BRWD1: variants seen among roughly 807,000 people sequenced by gnomAD.
BRWD1 encodes bromodomain and WD repeat domain containing 1.
In BRWD1, 82 loss-of-function variants were observed where a neutral mutation model predicts 251.2. The ratio of observed to expected loss-of-function variants is 0.33; its 90% CI spans 0.27 to 0.39. The LOEUF (loss-of-function observed/expected upper bound fraction) is 0.39. Among genes scored for constraint, BRWD1 ranks in the 10% least tolerant of loss-of-function variants. BRWD1 has a pLI of 1.00. For missense variants in BRWD1, 2,233 were observed against 2,711.6 expected (o/e 0.82, Z 3.92); for synonymous variants, 918 against 902.8 (o/e 1.02, Z -0.30).
rs1376557749 is a variant in BRWD1 at position 39,278,814 on chromosome 21, C to T, written c.933-1G>A. On this transcript the variant is annotated splice_acceptor_variant, in intron 9 of 40. Coordinates refer to ENST00000342449, the MANE Select transcript of BRWD1 (RefSeq NM_033656.4). LOFTEE classifies it high-confidence loss of function. ...TTCAGTGAACTTCAGGGGACGTGGG[C>T]TTTAAAAGAAGAAGATGCTGCTTTA... 1.3e-6 allele frequency: 2 copies of T among 1,578,428 alleles called. No individual in the cohort carries two copies. The highest frequency in any genetic ancestry group is 1.7e-6 in the Non-Finnish European group (2 of 1,166,028).
chr21:39,235,918 G>T (rs1030251770), intron 23 of BRWD1: 1 of 186,120 alleles, frequency 5.4e-6, no homozygotes, highest in South Asian at 1.3e-4. Flanking sequence ...AGTTGTCTCC[G>T]GTCCTGCCAG....
intron 19 of BRWD1, among the ~76,000 whole-genome samples, chr21:39,252,583 A>T (rs540663149): frequency 4.8e-4 from 73 of 152,348 alleles, no homozygotes; most frequent in African/African-American, 1.7e-3. Flanking sequence ...CATCTCAATC[A>T]ATTATCGCCT....
intron 12 of BRWD1, among the ~76,000 whole-genome samples, chr21:39,275,289 T>C (rs2035244676): frequency 6.6e-6 from 1 of 152,168 alleles, no homozygotes; most frequent in African/African-American, 2.4e-5. Context: ...TAAGTAATAA[T>C]TTCTTTGCAG....
intron 38 of BRWD1, 185 bp from the exon 39 acceptor site, chr21:39,200,571 G>T: frequency 4.4e-6 from 2 of 456,128 alleles, no homozygotes; most frequent in Admixed American, 4.1e-5. Flanking sequence ...AGTATTAAAA[G>T]GTACATAATC....
At chr21:39,234,476 T>C (rs773325332) in intron 23 of BRWD1, among the ~76,000 whole-genome samples, 5 of 152,208 alleles carry the variant, frequency 3.3e-5, no homozygotes, top group Non-Finnish European at 4.4e-5. Flanking sequence ...TTGATAAAGA[T>C]AACCTATATT....
At chr21:39,247,266 C>CT (rs1417213792) in intron 21 of BRWD1, among the ~76,000 whole-genome samples, 2 of 152,174 alleles carry the variant, frequency 1.3e-5, no homozygotes, top group Non-Finnish European at 2.9e-5. Context: ...TGGCCCAACT[C>CT]TGTCAATATA....
At chr21:39,314,353 G>C (rs541550737), upstream of BRWD1, 362 of 455,868 alleles carry the variant, frequency 7.9e-4, no homozygotes, top group Middle Eastern at 3.6e-3. Flanking sequence ...CTTCGCCGAG[G>C]GGGTGCGAGT....
At position 39,197,336 on chromosome 21, in the gene BRWD1, T is replaced by G; in HGVS notation, c.5733A>C (p.Leu1911Phe). The G allele has an allele frequency of 6.2e-7, 1 of 1,614,010 alleles. No individual in the cohort carries two copies. The highest frequency in any genetic ancestry group is 8.5e-7 in the Non-Finnish European group (1 of 1,179,900). ...RVCSSDSDSS[L>F]QVVKKSSKAR... ...CTTTTGATGATTTCTTAACCACCTG[T>G]AAACTACTGTCTGAGTCACTGGAAC... The change falls in exon 41 of 41, where the codon TTA (leucine) becomes TTC (phenylalanine). Residue 1911 changes from leucine (L) to phenylalanine (F), a missense_variant. Physicochemically the swap from Leu to Phe is conservative, Grantham distance 22. This residue lies in a region of BRWD1 where 928 missense variants were observed against 970.0 expected (regional missense o/e 0.96). Coordinates refer to ENST00000342449, the MANE Select transcript of BRWD1 (RefSeq NM_033656.4).
chr21:39,307,121 T>C (rs1213851653), intron 4 of BRWD1, among the ~76,000 whole-genome samples: 5 of 152,254 alleles, frequency 3.3e-5, no homozygotes, highest in Admixed American at 2.6e-4. Flanking sequence ...CCTAAAGTGC[T>C]GGGATGACAG....
upstream of BRWD1, chr21:39,313,744 C>G (rs1182016373): frequency 2.6e-6 from 1 of 391,966 alleles, no homozygotes. Context: ...CGTGTCCCGC[C>G]CGGGGAGGCG....
rs549641075 is a variant in BRWD1, at chr21:39,277,573, G to GT, written c.1004-223dup. Among the ~76,000 whole-genome samples, 549 of 151,636 alleles carry GT rather than the reference G, an allele frequency of 3.6e-3. 5 individuals are homozygous for GT. Among genetic ancestry groups the GT allele is most frequent in the Non-Finnish European group, 5.3e-3 (358 of 67,784 alleles). The stretch of plus-strand genomic sequence containing the variant: ...CTGGAAACATTCACAATCTCCTCCT[G>GT]TTTTTTTTGAGACAGAATCTCACTC... On this transcript the variant is annotated intron_variant, in intron 10 of 40. Transcript: ENST00000342449.
intron 4 of BRWD1, among the ~76,000 whole-genome samples, chr21:39,311,377 A>G (rs1287239340): frequency 6.6e-6 from 1 of 151,834 alleles, no homozygotes; most frequent in Non-Finnish European, 1.5e-5. Context: ...GTTGGTCTGA[A>G]CTCCTGGCCT....
chr21:39,258,581 T>C lies in BRWD1; in HGVS notation c.1977A>G (p.Ile659Met), dbSNP rs1024404074. 6.2e-7 allele frequency: 1 copy of C among 1,613,546 alleles called. No homozygotes were observed. The highest frequency in any genetic ancestry group is 1.3e-5 in the African/African-American group (1 of 74,906). ...GATCTTGCTGCTGCTGCAACTGTCT[T>C]ATCATTCCATCAAGAATACTCGATT... Reference protein sequence around the residue: ...SPESSILDGMIRQLQQQQDQR... With the variant: ...SPESSILDGMMRQLQQQQDQR... Residue 659 changes from isoleucine (I) to methionine (M), a missense_variant, in exon 18 of 41, where the codon ATA (isoleucine) becomes ATG (methionine). This residue lies in a region of BRWD1 where 73 missense variants were observed against 68.1 expected (regional missense o/e 1.07). Transcript: ENST00000342449.
At chr21:39,316,372 C>T (rs2036698501), upstream of BRWD1, among the ~76,000 whole-genome samples, 1 of 152,156 alleles carries the variant, frequency 6.6e-6, no homozygotes, top group Non-Finnish European at 1.5e-5. Flanking sequence ...CTTGCAACAA[C>T]TTGATTATTT....
chr21:39,312,797 G>T (rs772278161), intron 4 of BRWD1, 44 bp downstream of exon 4: 4 of 1,524,666 alleles, frequency 2.6e-6, no homozygotes, highest in African/African-American at 1.4e-5. Flanking sequence ...GGGGCGGGGG[G>T]CGGTGCACGG....
rs537839560 is a variant in BRWD1, at chr21:39,281,719, G to A, written c.832-1471C>T. On this transcript the variant is annotated intron_variant, in intron 8 of 40. Coordinates refer to ENST00000342449, the MANE Select transcript of BRWD1 (RefSeq NM_033656.4). ...ATGTTGGATGCCTGTAACATAAAAA[G>A]TAGGCAGGAGTGGTGGCGGATGCCC... Among the ~76,000 whole-genome samples the A allele has an allele frequency of 1.4e-4, 21 of 152,062 alleles. No individual in the cohort carries two copies. The South Asian group carries it at 4.4e-3, about 32-fold the overall frequency.
chr21:39,269,834 C>T (rs748631098), intron 15 of BRWD1, 65 bp downstream of exon 15: 25 of 1,315,598 alleles, frequency 1.9e-5, no homozygotes, highest in Non-Finnish European at 2.3e-5. Context: ...CTGGCTAAGC[C>T]GCATAACCCA....
At chr21:39,266,754 T>C (rs564878056) in intron 15 of BRWD1, among the ~76,000 whole-genome samples, 4 of 152,266 alleles carry the variant, frequency 2.6e-5, no homozygotes, top group African/African-American at 9.6e-5. Context: ...TCATGAAATA[T>C]TGTTGCTATT....
At chr21:39,249,956 GTA>G (rs1555861738) in intron 20 of BRWD1, among the ~76,000 whole-genome samples, 21 of 143,602 alleles carry the variant, frequency 1.5e-4, no homozygotes, top group Admixed American at 2.8e-4. Context: ...GTGTGTGTGT[GTA>G]TACACACACA....
Sources: allele counts gnomAD v4.1 joint callset (sites outside exome capture counted in the v4.1 genomes callset), GRCh38; gene constraint gnomAD v4.1.1; regional missense constraint gnomAD v4.1.1; transcripts MANE v1.5; gene names NCBI Gene and HGNC (gene_info 2026-07-23, HGNC 2026-07-21).